The following MACO1 variants were observed in gnomAD, a reference collection of about 807,000 sequenced individuals.
The protein encoded by MACO1 is macoilin 1.
In MACO1, 14 loss-of-function variants were observed where a neutral mutation model predicts 78.7. The ratio of observed to expected loss-of-function variants is 0.18; its 90% confidence interval spans 0.12 to 0.28. The LOEUF is 0.28. Among genes scored for constraint, MACO1 ranks in the 10% least tolerant of loss-of-function variants. The probability of loss-of-function intolerance (pLI) is 1.00; values close to 1 mark genes in which losing one functional copy is unlikely to be tolerated. For synonymous variants in MACO1, 288 were observed against 291.6 expected, an observed-to-expected ratio of 0.99 and a Z score of 0.12; for missense variants, 501 against 799.0, an observed-to-expected ratio of 0.63 and a Z score of 4.50.
chr1:25,484,970 T>C (rs2043416569), intron 7 of MACO1, among the ~76,000 whole-genome samples: 1 of 152,188 alleles, frequency 6.6e-6, no homozygotes. Flanking sequence ...GTGGTGGTTC[T>C]AGCATTGATA....
chr1:25,480,932 ATAT>A (rs1557673321), intron 6 of MACO1, among the ~76,000 whole-genome samples: 1,028 of 72,308 alleles, frequency 0.014, 9 homozygotes, highest in Non-Finnish European at 0.019. Context: ...AAAAAAAAAT[ATAT>A]ATATATATAT....
intron 1 of MACO1, among the ~76,000 whole-genome samples, chr1:25,434,693 C>CAAA (rs1557655735): frequency 1.3e-5 from 2 of 152,150 alleles, no homozygotes; most frequent in African/African-American, 4.8e-5. Flanking sequence ...TTTTCTATCT[C>CAAA]AAATGAGATA....
At chr1:25,434,071 G>A (rs1488521362) in intron 1 of MACO1, among the ~76,000 whole-genome samples, 23 of 152,202 alleles carry the variant, frequency 1.5e-4, no homozygotes, top group Admixed American at 1.5e-3. Flanking sequence ...CATTTATTGT[G>A]AGTATCATGG....
intron 10 of MACO1, among the ~76,000 whole-genome samples, chr1:25,497,772 AG>A (rs564329665): frequency 3.7e-4 from 57 of 152,326 alleles, no homozygotes; most frequent in Middle Eastern, 3.4e-3. Flanking sequence ...TGACACTCAG[AG>A]ATAGTCTGTC....
At chr1:25,453,893 A>C (rs953719668) in intron 3 of MACO1, among the ~76,000 whole-genome samples, 65 of 152,134 alleles carry the variant, frequency 4.3e-4, no homozygotes, top group Admixed American at 1.3e-4. Flanking sequence ...GTATTTCTCT[A>C]ATCAGTAGTT....
At chr1:25,495,817 C>G (rs375911662) in intron 10 of MACO1, among the ~76,000 whole-genome samples, 1 of 152,166 alleles carries the variant, frequency 6.6e-6, no homozygotes, top group South Asian at 2.1e-4. Flanking sequence ...CAAAAATTTG[C>G]TAGGTGTGAT....
In MACO1 at chr1:25,485,866, G is replaced by A. The variant is rs1297056461; in HGVS notation, c.1496+71G>A. 63 of 1,524,692 alleles carry A rather than the reference G, an allele frequency of 4.1e-5. No homozygotes were observed. In the East Asian group the frequency reaches 1.4e-3, roughly 33 times the overall value. The allele number at this position is 1,524,692 out of a possible 1,614,324, so 94.4% of individuals were successfully genotyped here. A position where few individuals can be genotyped will look rare whatever the true frequency, so the allele number is the denominator to read the frequency against. The stretch of plus-strand genomic sequence containing the variant: ...TTACCAACAAAGACATGGGAATTTG[G>A]TGCCTTGGGCAGGATTGGACGTACA... On this transcript the variant is annotated intron_variant, in intron 8 of 10. Coordinates refer to ENST00000374343, the MANE Select transcript of MACO1 (RefSeq NM_018202.6). The surrounding 1 kb of genome is among the most constrained non-coding windows in gnomAD (Gnocchi z 4.3).
intron 10 of MACO1, among the ~76,000 whole-genome samples, chr1:25,493,703 G>A (rs1339506557): frequency 2.0e-5 from 3 of 146,938 alleles, no homozygotes; most frequent in Non-Finnish European, 4.5e-5. Context: ...TTTAATGTCT[G>A]ACTTAACAGA....
rs768782723 is a variant in MACO1, at chr1:25,446,876, C to G, written c.195C>G (p.Val65=). ...LWPFWLFIRS[V]YDSFRYQGLA... ...CATTCTGGCTTTTCATCAGAAGCGT[C>G]TATGATTCCTTCAGATACCAGGGAC... The change falls in exon 2 of 11, where the codon GTC becomes GTG. Residue 65 remains valine, a synonymous_variant. Transcript: ENST00000374343. 4.3e-6 allele frequency: 7 copies of G among 1,613,482 alleles called. No individual in the cohort carries two copies. In the Middle Eastern group the frequency reaches 4.9e-4, roughly 114 times the overall value.
chr1:25,459,962 C>T (rs983619173), intron 6 of MACO1, among the ~76,000 whole-genome samples: 4 of 152,178 alleles, frequency 2.6e-5, no homozygotes, highest in Non-Finnish European at 5.9e-5. Context: ...AAACTCTCCC[C>T]TTCCAGTAAG....
rs191852141 is a variant in MACO1, at chr1:25,444,081, G to A, written c.81-2681G>A. On this transcript the variant is annotated intron_variant, in intron 1 of 10. Transcript: ENST00000374343. ...AGCCTGGCCAACATGGTGAAAACAC[G>A]TCTCTACTAAAAAAATACAAAAATT... 3.6e-3 allele frequency among the ~76,000 whole-genome samples: 542 copies of A among 151,700 alleles called. 1 individual carries two copies. The highest frequency in any genetic ancestry group is 0.012 in the African/African-American group (514 of 41,362).
chr1:25,491,128 T>C (rs968341977), intron 9 of MACO1, among the ~76,000 whole-genome samples: 1 of 152,234 alleles, frequency 6.6e-6, no homozygotes, highest in African/African-American at 2.4e-5. Context: ...TTTTCTGTGG[T>C]TCTGAATTAA....
intron 10 of MACO1, among the ~76,000 whole-genome samples, chr1:25,497,906 A>G (rs1571996181): frequency 6.6e-6 from 1 of 152,286 alleles, no homozygotes; most frequent in Admixed American, 6.5e-5. Flanking sequence ...CTTTACATCA[A>G]CCACACCTAT....
chr1:25,458,310 T>A (rs1022460041), intron 5 of MACO1, 81 bp from the exon 6 acceptor site: 2 of 1,499,456 alleles, frequency 1.3e-6, no homozygotes, highest in Non-Finnish European at 1.8e-6. Context: ...GATAATAGTT[T>A]GTTGAATTAA....
chr1:25,474,676 T>C (rs2043304179), intron 6 of MACO1, among the ~76,000 whole-genome samples: 1 of 152,220 alleles, frequency 6.6e-6, no homozygotes, highest in South Asian at 2.1e-4. Flanking sequence ...CAAACTATAC[T>C]GTGCAGAGAG....
intron 3 of MACO1, among the ~76,000 whole-genome samples, chr1:25,452,842 G>A (rs1168915052): frequency 6.6e-6 from 1 of 151,368 alleles, no homozygotes; most frequent in African/African-American, 2.4e-5. Context: ...AATTACAGGT[G>A]TGCACCACCA....
intron 10 of MACO1, among the ~76,000 whole-genome samples, chr1:25,492,821 G>A (rs1256359131): frequency 6.6e-6 from 1 of 151,598 alleles, no homozygotes; most frequent in Non-Finnish European, 1.5e-5. Flanking sequence ...GTACTAAATA[G>A]AGTACTGCAT....
chr1:25,493,724 A>ATT (rs2043509322), intron 10 of MACO1, among the ~76,000 whole-genome samples: 8 of 127,266 alleles, frequency 6.3e-5, no homozygotes, highest in African/African-American at 2.5e-4. Context: ...AGATAGTTTG[A>ATT]TTCTTTTTTT....
At chr1:25,461,767 A>G (rs563888350) in intron 6 of MACO1, among the ~76,000 whole-genome samples, 2 of 152,188 alleles carry the variant, frequency 1.3e-5, no homozygotes, top group Non-Finnish European at 2.9e-5. Context: ...ATGAAAAACA[A>G]TTTTTTCTAA....
Sources: allele counts gnomAD v4.1 joint callset (sites outside exome capture counted in the v4.1 genomes callset), GRCh38; gene constraint gnomAD v4.1.1; non-coding constraint Gnocchi (gnomAD v3.1); transcripts MANE v1.5; gene names NCBI Gene and HGNC (gene_info 2026-07-23, HGNC 2026-07-21).